The following JAK1 variants were observed in gnomAD, a reference collection of about 807,000 sequenced individuals.
JAK1 encodes the protein tyrosine-protein kinase JAK1.
In JAK1, 16 loss-of-function variants were observed where a neutral mutation model predicts 136.6. The observed-to-expected ratio is 0.12, with a 90% confidence interval of 0.08 to 0.18. The LOEUF is 0.18. Among genes scored for constraint, JAK1 ranks in the 10% least tolerant of loss-of-function variants. JAK1 has a pLI of 1.00. For synonymous variants in JAK1, 492 were observed against 519.5 expected, an observed-to-expected ratio of 0.95 and a Z score of 0.72; for missense variants, 859 against 1,450.1, an observed-to-expected ratio of 0.59 and a Z score of 6.62.
chr1:64,942,417 A>C (rs1645906572), intron 1 of JAK1: 1 of 152,194 alleles, frequency 6.6e-6, no homozygotes, highest in Non-Finnish European at 1.5e-5. Flanking sequence ...TAAACATGAT[A>C]ACTGATCAGA....
At chr1:64,884,009 T>C (rs975064976) in intron 2 of JAK1, among the ~76,000 whole-genome samples, 1 of 152,110 alleles carries the variant, frequency 6.6e-6, no homozygotes. Flanking sequence ...CATCCCCACC[T>C]GAGACACTGC....
intron 1 of JAK1, among the ~76,000 whole-genome samples, chr1:64,948,239 T>C (rs750984854): frequency 6.6e-6 from 1 of 152,240 alleles, no homozygotes; most frequent in Non-Finnish European, 1.5e-5. Flanking sequence ...CTAGGTATAC[T>C]GACTCTCGTA....
intron 1 of JAK1, among the ~76,000 whole-genome samples, chr1:64,910,173 G>A (rs1645258489): frequency 6.6e-6 from 1 of 152,072 alleles, no homozygotes; most frequent in African/African-American, 2.4e-5. Context: ...CAGTTTATAA[G>A]AACACATTGA....
intron 4 of JAK1, among the ~76,000 whole-genome samples, chr1:64,874,434 T>A (rs1392045240): frequency 1.3e-5 from 2 of 152,144 alleles, no homozygotes; most frequent in Non-Finnish European, 2.9e-5. Flanking sequence ...GTTACTAGTC[T>A]GTTTATGTTA....
chr1:64,917,852 G>C (rs1232296301), intron 1 of JAK1, among the ~76,000 whole-genome samples: 1 of 152,106 alleles, frequency 6.6e-6, no homozygotes, highest in African/African-American at 2.4e-5. Context: ...CCAACTATGA[G>C]AAGCCCTGTT....
intron 2 of JAK1, chr1:64,992,927 C>G (rs1014778441): frequency 1.3e-5 from 2 of 151,122 alleles, no homozygotes; most frequent in African/African-American, 4.9e-5. Context: ...AGATTTAGTC[C>G]AGCCCTTATG....
intron 1 of JAK1, among the ~76,000 whole-genome samples, chr1:64,922,458 T>C (rs1236288640): frequency 6.6e-6 from 1 of 151,142 alleles, no homozygotes; most frequent in Non-Finnish European, 1.5e-5. Flanking sequence ...AGTATAAATG[T>C]CATGTACCTA....
intron 2 of JAK1, among the ~76,000 whole-genome samples, chr1:65,010,989 A>G (rs1283816890): frequency 6.6e-6 from 1 of 152,230 alleles, no homozygotes; most frequent in African/African-American, 2.4e-5. Flanking sequence ...TCCTGTCTCT[A>G]AAATAATAAT....
chr1:64,943,170 G>A (rs896360791), intron 1 of JAK1, among the ~76,000 whole-genome samples: 2 of 152,032 alleles, frequency 1.3e-5, no homozygotes, highest in African/African-American at 4.8e-5. Context: ...AGTTCCTCAG[G>A]AATACCTGGG....
chr1:64,847,696 C>T (rs1184308870), intron 12 of JAK1, 21 bp from the exon 13 acceptor site: 2 of 1,611,608 alleles, frequency 1.2e-6, no homozygotes, highest in Non-Finnish European at 1.7e-6. Flanking sequence ...AAGCAGAAGG[C>T]TGGGTGACCT....
chr1:64,926,074 C>T (rs576347663), intron 1 of JAK1, among the ~76,000 whole-genome samples: 35 of 152,290 alleles, frequency 2.3e-4, no homozygotes, highest in African/African-American at 7.9e-4. Context: ...TGAGAAGATA[C>T]CCAAATTAGA....
intron 24 of JAK1, among the ~76,000 whole-genome samples, chr1:64,835,182 G>A (rs141666198): frequency 1.1e-4 from 17 of 152,340 alleles, no homozygotes; most frequent in African/African-American, 3.6e-4. Context: ...GGCTTTTGGA[G>A]GGAATCCTTG....
At chr1:64,985,783 C>A in intron 2 of JAK1, 1 of 637,914 alleles carries the variant, frequency 1.6e-6, no homozygotes, top group Non-Finnish European at 2.9e-6. Flanking sequence ...ATAAGGCAGC[C>A]ACCAGTGGCA....
intron 2 of JAK1, among the ~76,000 whole-genome samples, chr1:65,032,990 T>C (rs1647036888): frequency 6.6e-6 from 1 of 152,208 alleles, no homozygotes; most frequent in South Asian, 2.1e-4. Context: ...AATGAGCTAT[T>C]AGCGAGACTT....
chr1:64,986,735 A>T (rs1646603277), intron 2 of JAK1, among the ~76,000 whole-genome samples: 1 of 152,002 alleles, frequency 6.6e-6, no homozygotes, highest in African/African-American at 2.4e-5. Flanking sequence ...CTCTACAAAA[A>T]AATGGTGTTG....
Position 64,897,528 on chromosome 1 carries a change from G to GGAGGA in JAK1, c.-77-11188_-77-11187insTCCTC, listed in dbSNP as rs1557673673. On this transcript the variant is annotated intron_variant, in intron 1 of 24. Coordinates refer to ENST00000342505, the MANE Select transcript of JAK1 (RefSeq NM_002227.4). ...GGGGGGAGGGGGAGGGGGAGGGGGAGGGAGGAGGAGGAGGAGGAGGAGGAG... is the reference window on the plus strand; with the variant it reads ...GGGGGGAGGGGGAGGGGGAGGGGGAGGAGGAGGAGGAGGAGGAGGAGGAGGAGGAG... Among the ~76,000 whole-genome samples, 3 of 332 alleles carry GGAGGA rather than the reference G, an allele frequency of 9.0e-3. 1 individual carries two copies. The East Asian group carries it at 0.19, about 21-fold the overall frequency. 0.2% of individuals were successfully genotyped at this position (332 alleles called of 152,430 possible).
At chr1:64,853,386 G>A (rs942054621) in intron 11 of JAK1, among the ~76,000 whole-genome samples, 2 of 152,174 alleles carry the variant, frequency 1.3e-5, no homozygotes, top group African/African-American at 4.8e-5. Context: ...GGAATCACTG[G>A]ACTTGGAGTC....
intron 1 of JAK1, among the ~76,000 whole-genome samples, chr1:64,950,192 A>C (rs1319767296): frequency 1.3e-5 from 2 of 152,070 alleles, no homozygotes; most frequent in Non-Finnish European, 2.9e-5. Flanking sequence ...GGCGGATCAC[A>C]AGGTCAGGAG....
At chr1:64,868,692 CAA>C (rs1364155772) in intron 6 of JAK1, among the ~76,000 whole-genome samples, 2 of 152,126 alleles carry the variant, frequency 1.3e-5, no homozygotes, top group Non-Finnish European at 2.9e-5. Context: ...ATCCCTTCTT[CAA>C]AATGAGACTG....
Sources: gnomAD v4.1 joint callset for allele counts (sites outside exome capture counted in the v4.1 genomes callset) on GRCh38, gnomAD v4.1.1 for gene constraint, MANE v1.5 for transcripts, NCBI Gene and HGNC (gene_info 2026-07-23, HGNC 2026-07-21) for gene names.